Variants in TRIM71 observed in about 807,000 individuals in gnomAD.
TRIM71 encodes the protein E3 ubiquitin-protein ligase TRIM71.
TRIM71 carries 9 observed loss-of-function variants against 61.2 expected under a neutral mutation model. The ratio of observed to expected loss-of-function variants is 0.15; its 90% CI spans 0.09 to 0.26. TRIM71 has a LOEUF of 0.26. Ranked by LOEUF, TRIM71 falls within the 10% of genes least tolerant of loss-of-function variation. The pLI, the probability that TRIM71 is intolerant of heterozygous loss-of-function variation, is 1.00. For synonymous variants in TRIM71, 645 were observed against 553.2 expected (o/e 1.17, Z -2.33); for missense variants, 998 against 1,238.7 (o/e 0.81, Z 2.92).
chr3:32,875,316 C>T (rs1696842588), intron 2 of TRIM71, among the ~76,000 whole-genome samples: 1 of 152,186 alleles, frequency 6.6e-6, no homozygotes, highest in African/African-American at 2.4e-5. Context: ...TGATAATTGG[C>T]AGGGTTCTCT....
At chr3:32,821,352 G>A (rs531172928) in intron 1 of TRIM71, among the ~76,000 whole-genome samples, 1 of 152,088 alleles carries the variant, frequency 6.6e-6, no homozygotes, top group Non-Finnish European at 1.5e-5. Context: ...AAATAATTCA[G>A]AGTAGCACCT....
intron 1 of TRIM71, among the ~76,000 whole-genome samples, chr3:32,840,570 C>T (rs1696392450): frequency 6.6e-6 from 1 of 152,170 alleles, no homozygotes; most frequent in Non-Finnish European, 1.5e-5. Flanking sequence ...GAGACTTTCC[C>T]TTGAGTTTTC....
intron 1 of TRIM71, among the ~76,000 whole-genome samples, chr3:32,838,207 T>C (rs1696356922): frequency 6.6e-6 from 1 of 152,140 alleles, no homozygotes; most frequent in African/African-American, 2.4e-5. Flanking sequence ...TTGGATTAGG[T>C]ACTATATGCT....
chr3:32,896,103 A>AT lies in TRIM71; in HGVS notation c.*4292_*4293insT, dbSNP rs1697074522. Reference sequence around the variant, plus strand: ...TACTGTTGTTCAGTATTATGAAACTACTGGTTAATCTGACCTATTGGAGGA... The same window carrying AT: ...TACTGTTGTTCAGTATTATGAAACTATCTGGTTAATCTGACCTATTGGAGGA... On this transcript the variant is annotated 3_prime_UTR_variant, in exon 4 of 4. Transcript: ENST00000383763. 1 of 152,214 alleles carries AT rather than the reference A, an allele frequency of 6.6e-6. No homozygotes were observed. The highest frequency in any genetic ancestry group is 6.5e-5 in the Admixed American group (1 of 15,276). The allele number at this position is 152,214 out of a possible 1,614,324, so 9.4% of individuals were successfully genotyped here. A position where few individuals can be genotyped will look rare whatever the true frequency, so the allele number is the denominator to read the frequency against.
chr3:32,865,791 GGCCCCCCCCCC>G (rs58098143), intron 1 of TRIM71, among the ~76,000 whole-genome samples: 35,658 of 50,410 alleles, frequency 0.71, 13,284 homozygotes, highest in South Asian at 0.81. Flanking sequence ...GCCGCCCGCC[GGCCCCCCCCCC>G]CCCCCGCCCC....
chr3:32,821,179 G>A (rs1391932826), intron 1 of TRIM71, among the ~76,000 whole-genome samples: 1 of 152,096 alleles, frequency 6.6e-6, no homozygotes, highest in East Asian at 1.9e-4. Context: ...TCTCTGGCTG[G>A]GAAGGAGCTT....
intron 1 of TRIM71, among the ~76,000 whole-genome samples, chr3:32,868,378 T>C (rs968309177): frequency 2.0e-5 from 3 of 152,204 alleles, no homozygotes; most frequent in African/African-American, 4.8e-5. Flanking sequence ...TATTACCAAA[T>C]TGAAAACTAG....
intron 1 of TRIM71, among the ~76,000 whole-genome samples, chr3:32,819,249 G>T (rs1458530376): frequency 7.1e-5 from 5 of 70,748 alleles, no homozygotes; most frequent in African/African-American, 2.5e-4. Flanking sequence ...AGATAGGTGT[G>T]TGTGTTTGTG....
At chr3:32,841,428 A>C (rs888915105) in intron 1 of TRIM71, among the ~76,000 whole-genome samples, 1 of 152,142 alleles carries the variant, frequency 6.6e-6, no homozygotes, top group Non-Finnish European at 1.5e-5. Context: ...CTCTAATCCC[A>C]GCACTTTGGG....
rs1407527733 is a variant in TRIM71, at chr3:32,818,238, C to T, written c.158C>T (p.Ala53Val). 4 of 1,490,852 alleles carry T rather than the reference C, an allele frequency of 2.7e-6. No homozygotes were observed. In the South Asian group the frequency reaches 3.9e-5, roughly 15 times the overall value. 92.4% of individuals were successfully genotyped at this position (1,490,852 alleles called of 1,614,324 possible). A position where few individuals can be genotyped will look rare whatever the true frequency, so the allele number is the denominator to read the frequency against. Residue 53 changes from alanine to valine, a missense_variant, in exon 1 of 4, where the codon GCG (alanine) becomes GTG (valine). This residue lies in a region of TRIM71 where 527 missense variants were observed against 427.8 expected (regional missense o/e 1.23). Coordinates refer to ENST00000383763, the MANE Select transcript of TRIM71 (RefSeq NM_001039111.3). ...GGCGGCGGGGGCCCTGGGGCGGCGG[C>T]GCGCCGCCTACACGTCCTGCCCTGC... ...GGGGGGPGAA[A>V]RRLHVLPCLH... is the part of the protein sequence containing the mutation.
At chr3:32,872,216 A>T (rs551635890) in intron 1 of TRIM71, among the ~76,000 whole-genome samples, 15 of 152,188 alleles carry the variant, frequency 9.9e-5, no homozygotes, top group Non-Finnish European at 2.1e-4. Flanking sequence ...TTACTTAACA[A>T]AAGTAAAAAC....
chr3:32,896,317 C>T lies in TRIM71; in HGVS notation c.*4506C>T, dbSNP rs1002837371. The T allele has an allele frequency of 2.0e-5, 3 of 152,138 alleles. No homozygotes were observed. Among genetic ancestry groups the T allele is most frequent in the African/African-American group, 4.8e-5 (2 of 41,434 alleles). The allele number at this position is 152,138 out of a possible 1,614,324, so 9.4% of individuals were successfully genotyped here. ...GATTGTATTTGTAGCTCTCTGGACC[C>T]GGCAGGACGTTCATCACCATGATGT... is the stretch of plus-strand genomic sequence containing the variant. On this transcript the variant is annotated 3_prime_UTR_variant, in exon 4 of 4. Coordinates refer to ENST00000383763, the MANE Select transcript of TRIM71 (RefSeq NM_001039111.3).
chr3:32,865,060 T>G (rs1696717159), intron 1 of TRIM71, among the ~76,000 whole-genome samples: 1 of 152,158 alleles, frequency 6.6e-6, no homozygotes, highest in African/African-American at 2.4e-5. Context: ...CCAGGCGCAG[T>G]GGCTCACGCC....
intron 3 of TRIM71, among the ~76,000 whole-genome samples, chr3:32,888,929 C>A (rs1050099935): frequency 1.3e-5 from 2 of 152,154 alleles, no homozygotes; most frequent in African/African-American, 4.8e-5. Context: ...TTTGCTGTTT[C>A]CTTTGCTGAG....
Position 32,858,418 on chromosome 3 carries a change from T to C in TRIM71, c.853-15400T>C, listed in dbSNP as rs147631267. 3.0e-3 allele frequency among the ~76,000 whole-genome samples: 463 copies of C among 152,310 alleles called. 1 individual carries two copies. Among genetic ancestry groups the C allele is most frequent in the African/African-American group, 0.011 (453 of 41,552 alleles). On this transcript the variant is annotated intron_variant, in intron 1 of 3. Transcript: ENST00000383763. The stretch of plus-strand genomic sequence containing the variant: ...ACAGTCTTAAATCCGATGTAAATAG[T>C]TTAAAAATTAGCAGTGAACACAGCA...
rs763746788 is a variant in TRIM71, at chr3:32,818,456, A to G, written c.376A>G (p.Thr126Ala). The G allele has an allele frequency of 6.9e-7, 1 of 1,457,780 alleles. No individual in the cohort carries two copies. The highest frequency in any genetic ancestry group is 1.5e-5 in the African/African-American group (1 of 67,390). The allele number at this position is 1,457,780 out of a possible 1,614,324, so 90.3% of individuals were successfully genotyped here. ...LSNLLDAVVATADEPPPKNGR... is the reference protein window; with the variant it reads ...LSNLLDAVVAAADEPPPKNGR... Reference sequence around the variant, plus strand: ...CAACCTGCTCGACGCGGTGGTGGCCACTGCCGACGAGCCGCCGCCCAAGAA... The same window carrying G: ...CAACCTGCTCGACGCGGTGGTGGCCGCTGCCGACGAGCCGCCGCCCAAGAA... The change falls in exon 1 of 4, where the codon ACT (threonine) becomes GCT (alanine). Residue 126 changes from threonine (T) to alanine (A), a missense_variant. Coordinates refer to ENST00000383763, the MANE Select transcript of TRIM71 (RefSeq NM_001039111.3).
rs7621359 is a variant in TRIM71 at position 32,826,196 on chromosome 3, C to T, written c.852+7264C>T. Reference sequence around the variant, plus strand: ...CATCCAGGCAGGGTGCGGTGGCTTACGCCTGCAATCCCAGCACTTTGGGAG... The same window carrying T: ...CATCCAGGCAGGGTGCGGTGGCTTATGCCTGCAATCCCAGCACTTTGGGAG... On this transcript the variant is annotated intron_variant, in intron 1 of 3. Transcript: ENST00000383763. Among the ~76,000 whole-genome samples the T allele has an allele frequency of 9.0e-3, 1,373 of 152,254 alleles. 13 individuals are homozygous for T. Among genetic ancestry groups the T allele is most frequent in the African/African-American group, 0.031 (1,282 of 41,544 alleles).
intron 1 of TRIM71, among the ~76,000 whole-genome samples, chr3:32,831,738 T>C (rs1473413472): frequency 1.3e-5 from 2 of 152,106 alleles, no homozygotes; most frequent in Non-Finnish European, 2.9e-5. Flanking sequence ...GGTTTTACCA[T>C]GTTGGCCAGG....
intron 1 of TRIM71, among the ~76,000 whole-genome samples, chr3:32,829,652 T>TGTGTTTGTG (rs1575341635): frequency 2.2e-4 from 18 of 81,808 alleles, no homozygotes; most frequent in Non-Finnish European, 4.2e-4. Context: ...GTGTGTGTGT[T>TGTGTTTGTG]TGTGTGTGCG....
Sources: allele counts gnomAD v4.1 joint callset (sites outside exome capture counted in the v4.1 genomes callset), GRCh38; gene constraint gnomAD v4.1.1; regional missense constraint gnomAD v4.1.1; transcripts MANE v1.5; gene names NCBI Gene and HGNC (gene_info 2026-07-23, HGNC 2026-07-21).